The following FLNA variants were observed in gnomAD, a reference collection of about 807,000 sequenced individuals.
The protein encoded by FLNA is filamin A, also known as filamin-A.
Under a neutral mutation model 157.6 loss-of-function variants are expected in FLNA, and 7 were observed. The ratio of observed to expected loss-of-function variants is 0.04; its 90% CI spans 0.03 to 0.08. The LOEUF (loss-of-function observed/expected upper bound fraction) is 0.08. Among genes scored for constraint, FLNA ranks in the 10% least tolerant of loss-of-function variants. The probability of loss-of-function intolerance (pLI) is 1.00; values close to 1 mark genes in which losing one functional copy is unlikely to be tolerated. For missense variants in FLNA, 1,750 were observed against 2,398.4 expected (o/e 0.73, Z 5.65); for synonymous variants, 1,103 against 1,060.8 (o/e 1.04, Z -0.77).
In FLNA at chrX:154,349,465, A is replaced by G; in HGVS notation, c.7653T>C (p.Gly2551=). 1 of 1,211,541 alleles carries G rather than the reference A, an allele frequency of 8.3e-7. No homozygotes were observed. The highest frequency in any genetic ancestry group is 1.1e-6 in the Non-Finnish European group (1 of 895,099). ...ATCAPQHGAP[G]PGPADASKVV... ...CCTTGCTGGCGTCAGCAGGCCCAGG[A>G]CCCGGGGCCCCATGCTGGGGGGCAC... Residue 2551 remains glycine, a synonymous_variant, in exon 47 of 48, where the codon GGT becomes GGC. Transcript: ENST00000369850.
chrX:154,354,816 C>T lies in FLNA; in HGVS notation c.5217+9G>A. ...CACCCCTGCTGACCTACCCCCCACC[C>T]CTCCTCACCGTCACTTGGAAGGGGC... is the stretch of plus-strand genomic sequence containing the variant. On this transcript the variant is annotated intron_variant, in intron 31 of 47. Transcript: ENST00000369850. 1 of 1,211,758 alleles carries T rather than the reference C, an allele frequency of 8.3e-7. No homozygotes were observed. Among genetic ancestry groups the T allele is most frequent in the Non-Finnish European group, 1.1e-6 (1 of 895,608 alleles).
chrX:154,349,866 C>T lies in FLNA; in HGVS notation c.7335G>A (p.Gly2445=), dbSNP rs1557175401. The part of the protein sequence containing the change: ...YGAGLEGGVT[G]NPAEFVVNTS... Reference sequence around the variant, plus strand: ...TGTTCACGACGAACTCAGCTGGGTTCCCTGGGAGCACAGGAGGTCAGGCAG... The same window carrying T: ...TGTTCACGACGAACTCAGCTGGGTTTCCTGGGAGCACAGGAGGTCAGGCAG... The change falls in exon 46 of 48, where the codon GGG becomes GGA. Residue 2445 remains glycine (G), a splice_region_variant and synonymous_variant. Coordinates refer to ENST00000369850, the MANE Select transcript of FLNA (RefSeq NM_001110556.2). 1 of 1,210,003 alleles carries T rather than the reference C, an allele frequency of 8.3e-7. No homozygotes were observed. Among genetic ancestry groups the T allele is most frequent in the East Asian group, 3.0e-5 (1 of 33,832 alleles).
At chrX:154,357,828 A>G (rs1344206685) in intron 28 of FLNA, among the ~76,000 whole-genome samples, 4 of 112,743 alleles carry the variant, frequency 3.5e-5, no homozygotes, top group Admixed American at 9.3e-5. Flanking sequence ...CCACATGACA[A>G]CAGGCGCGGC....
chrX:154,361,046 C>CAAAAAAAAAAAAAAAAAA lies in FLNA; in HGVS notation c.3207+244_3207+261dup, dbSNP rs59672916. Among the ~76,000 whole-genome samples the CAAAAAAAAAAAAAAAAAA allele has an allele frequency of 7.2e-3, 144 of 20,006 alleles. 1 individual carries two copies. The highest frequency in any genetic ancestry group is 9.3e-3 in the Admixed American group (9 of 968). The allele number at this position is 20,006 out of a possible 115,157, so 17.4% of individuals were successfully genotyped here. The stretch of plus-strand genomic sequence containing the variant: ...TGGGCGACAGAGTGAGACTCTTTCT[C>CAAAAAAAAAAAAAAAAAA]AAAAAAAAAAAAAAAAAAAAAAAAA... On this transcript the variant is annotated intron_variant, in intron 21 of 47. Coordinates refer to ENST00000369850, the MANE Select transcript of FLNA (RefSeq NM_001110556.2).
chrX:154,368,681 C>T (rs1557179782), intron 2 of FLNA, among the ~76,000 whole-genome samples: 1 of 112,794 alleles, frequency 8.9e-6, no homozygotes, highest in Non-Finnish European at 1.9e-5. Flanking sequence ...TGACCCCCGC[C>T]ACCACCCCCA....
intron 26 of FLNA, 112 bp downstream of exon 26, chrX:154,358,872 C>CT: frequency 1.1e-6 from 1 of 915,088 alleles, no homozygotes; most frequent in Non-Finnish European, 1.6e-6. Context: ...CACCTACACA[C>CT]TTGCACCACC....
At chrX:154,356,732 G>A (rs1026495467) in intron 30 of FLNA, among the ~76,000 whole-genome samples, 2 of 112,566 alleles carry the variant, frequency 1.8e-5, no homozygotes, top group Non-Finnish European at 3.8e-5. Context: ...CATGCTGGCC[G>A]CCCAAGCAGT....
chrX:154,370,633 TGG>T (rs1269420581), intron 2 of FLNA, among the ~76,000 whole-genome samples: 1 of 112,756 alleles, frequency 8.9e-6, no homozygotes, highest in Admixed American at 9.2e-5. Context: ...GAGTTCAGCC[TGG>T]GCGCCGGCCA....
chrX:154,359,415 A>G lies in FLNA; in HGVS notation c.4143-9T>C, dbSNP rs782576241. The G allele has an allele frequency of 5.0e-6, 6 of 1,211,485 alleles. No individual in the cohort carries two copies. In the Admixed American group the frequency reaches 1.1e-4, roughly 22 times the overall value. ...CGCCCGTGCCAGCTCCCCTGGTCCA[A>G]ACAGACAGCCGGTCATTCCTGGGGT... On this transcript the variant is annotated splice_polypyrimidine_tract_variant and intron_variant, in intron 24 of 47. Transcript: ENST00000369850.
intron 1 of FLNA, among the ~76,000 whole-genome samples, chrX:154,373,996 T>G (rs1178613424): frequency 8.9e-6 from 1 of 112,736 alleles, no homozygotes; most frequent in Non-Finnish European, 1.9e-5. Flanking sequence ...ATCCTCACCA[T>G]GGCCCCCATG....
In FLNA at chrX:154,357,572, T is replaced by C; in HGVS notation, c.4807A>G (p.Thr1603Ala). Residue 1603 changes from threonine to alanine, a missense_variant, in exon 29 of 48, where the codon ACG (threonine) becomes GCG (alanine). Coordinates refer to ENST00000369850, the MANE Select transcript of FLNA (RefSeq NM_001110556.2). ...KTHIQDNHDG[T>A]YTVAYVPDVT... ...TCTGGCACGTAGGCCACTGTATACGTGCCGTCATGGTTGTCTTGGATGTGT... is the reference window on the plus strand; with the variant it reads ...TCTGGCACGTAGGCCACTGTATACGCGCCGTCATGGTTGTCTTGGATGTGT... The C allele has an allele frequency of 8.3e-7, 1 of 1,211,979 alleles. No individual in the cohort carries two copies. Among genetic ancestry groups the C allele is most frequent in the Non-Finnish European group, 1.1e-6 (1 of 895,463 alleles).
In FLNA at chrX:154,354,335, G is replaced by A. The variant is rs2070827; in HGVS notation, c.5417-44C>T. ...GAGGTCAGGGCAGCTCATTGGCACAGTCTGGCCTCCTTGGCTCCCGAGCTC... is the reference window on the plus strand; with the variant it reads ...GAGGTCAGGGCAGCTCATTGGCACAATCTGGCCTCCTTGGCTCCCGAGCTC... On this transcript the variant is annotated intron_variant, in intron 33 of 47. Transcript: ENST00000369850. 162,886 of 1,209,719 alleles carry A rather than the reference G, an allele frequency of 0.13. 10,030 individuals carry two copies. The highest frequency in any genetic ancestry group is 0.44 in the African/African-American group (25,436 of 57,378).
At chrX:154,370,027 C>T (rs2067793119) in intron 2 of FLNA, among the ~76,000 whole-genome samples, 1 of 111,588 alleles carries the variant, frequency 9.0e-6, no homozygotes, top group African/African-American at 3.3e-5. Flanking sequence ...CTCATGCAGC[C>T]CCTATCTTGA....
chrX:154,354,088 C>A, intron 34 of FLNA, 45 bp from the exon 35 acceptor site: 1 of 1,211,747 alleles, frequency 8.3e-7, no homozygotes, highest in South Asian at 1.8e-5. Context: ...CCTCGTGTGT[C>A]CCCCAGCCCC....
intron 1 of FLNA, among the ~76,000 whole-genome samples, chrX:154,372,161 G>C (rs1290888986): frequency 1.8e-5 from 2 of 113,497 alleles, no homozygotes; most frequent in African/African-American, 3.2e-5. Flanking sequence ...CTTCGAAGGG[G>C]TCCGGGCATG....
chrX:154,355,271 C>G (rs1000527605), intron 30 of FLNA, among the ~76,000 whole-genome samples, 199 bp from the exon 31 acceptor site: 1 of 113,686 alleles, frequency 8.8e-6, no homozygotes, highest in African/African-American at 3.2e-5. Flanking sequence ...TTTCTCCTGA[C>G]CACCTCAAGT....
Position 154,360,540 on chromosome X carries a change from G to T in FLNA, c.3255C>A (p.Pro1085=), listed in dbSNP as rs782231907. 4.1e-6 allele frequency: 5 copies of T among 1,208,566 alleles called. No homozygotes were observed. The highest frequency in any genetic ancestry group is 3.4e-6 in the Non-Finnish European group (3 of 895,019). Residue 1085 remains proline (P), a synonymous_variant, in exon 22 of 48, where the codon CCC becomes CCA. Coordinates refer to ENST00000369850, the MANE Select transcript of FLNA (RefSeq NM_001110556.2). ...PGLQGGSAGS[P]ARFTIDTKGA... ...CCTTGGTGTCGATGGTGAAGCGGGC[G>T]GGGGAGCCCGCACTGCCTCCCTGCA...
intron 28 of FLNA, 57 bp downstream of exon 28, chrX:154,358,142 G>A: frequency 4.3e-6 from 5 of 1,170,629 alleles, no homozygotes; most frequent in Non-Finnish European, 5.8e-6. Flanking sequence ...GCCACCCGCA[G>A]CCCACACTCC....
intron 41 of FLNA, 79 bp from the exon 42 acceptor site, chrX:154,352,100 G>A: frequency 8.3e-7 from 1 of 1,206,957 alleles, no homozygotes; most frequent in Non-Finnish European, 1.1e-6. Context: ...AGGTAGACAT[G>A]CCTGCCGGCT....
Sources: gnomAD v4.1 joint callset for allele counts (sites outside exome capture counted in the v4.1 genomes callset) on GRCh38, gnomAD v4.1.1 for gene constraint, MANE v1.5 for transcripts, NCBI Gene and HGNC (gene_info 2026-07-23, HGNC 2026-07-21) for gene names.